The following DYDC1 variants were observed in gnomAD, a reference collection of about 807,000 sequenced individuals.
DYDC1 encodes the protein DPY30 domain containing 1, also known as DPY30 domain-containing protein 1.
Under a neutral mutation model 27.9 loss-of-function variants are expected in DYDC1, and 21 were observed. That is an observed-to-expected ratio of 0.75 (90% CI 0.53 to 1.08). The LOEUF (loss-of-function observed/expected upper bound fraction) is 1.08. Ranked by LOEUF, DYDC1 falls within the 50% of genes least tolerant of loss-of-function variation. The probability of loss-of-function intolerance (pLI) is 0.00; values close to 1 mark genes in which losing one functional copy is unlikely to be tolerated. For synonymous variants in DYDC1, 67 were observed against 65.8 expected (o/e 1.02, Z -0.09); for missense variants, 202 against 205.9 (o/e 0.98, Z 0.12).
At chr10:80,342,125 G>A (rs1842348656) in intron 4 of DYDC1, 144 bp downstream of exon 4, 1 of 679,400 alleles carries the variant, frequency 1.5e-6, no homozygotes, top group Non-Finnish European at 2.4e-6. Flanking sequence ...AAAAGGTTAT[G>A]AGACTTGTTT....
chr10:80,339,272 C>T (rs1842237580), intron 4 of DYDC1, 119 bp from the exon 5 acceptor site: 1 of 408,098 alleles, frequency 2.5e-6, no homozygotes, highest in African/African-American at 2.1e-5. Flanking sequence ...AAAATGCTGT[C>T]ACTCTGAAAG....
In DYDC1 at chr10:80,342,219, G is replaced by C. The variant is rs111869292; in HGVS notation, c.342+50C>G. The C allele has an allele frequency of 2.6e-6, 4 of 1,563,454 alleles. No individual in the cohort carries two copies. In the South Asian group the frequency reaches 4.5e-5, roughly 18 times the overall value. On this transcript the variant is annotated intron_variant, in intron 4 of 6. Transcript: ENST00000372202. ...TAACAGCTGAAATAAACAGTTTGAA[G>C]ATTCTAGAGAGTTTTAAATAAAACT...
intron 4 of DYDC1, 53 bp downstream of exon 4, chr10:80,342,216 G>T: frequency 1.3e-6 from 2 of 1,556,276 alleles, no homozygotes; most frequent in South Asian, 2.3e-5. Flanking sequence ...TAAACAGTTT[G>T]AAGATTCTAG....
intron 3 of DYDC1, among the ~76,000 whole-genome samples, chr10:80,344,237 GA>G (rs1189865256): frequency 6.6e-6 from 1 of 152,166 alleles, no homozygotes; most frequent in Non-Finnish European, 1.5e-5. Context: ...TGAAAGCAAG[GA>G]AAGATATTTA....
At chr10:80,339,014 G>T in intron 5 of DYDC1, 83 bp downstream of exon 5, 3 of 702,552 alleles carry the variant, frequency 4.3e-6, no homozygotes, top group Non-Finnish European at 6.8e-6. Context: ...TAAAAATTTA[G>T]CTACTTATGC....
At chr10:80,348,952 C>T (rs112590399) in intron 3 of DYDC1, among the ~76,000 whole-genome samples, 95 of 152,206 alleles carry the variant, frequency 6.2e-4, no homozygotes, top group African/African-American at 2.3e-3. Flanking sequence ...ACTGCAGTGG[C>T]GCGATCTCGG....
At chr10:80,342,452 A>C in intron 3 of DYDC1, 91 bp from the exon 4 acceptor site, 2 of 1,177,602 alleles carry the variant, frequency 1.7e-6, no homozygotes, top group South Asian at 3.6e-5. Flanking sequence ...CTTACAATAC[A>C]TGGTCACATC....
intron 1 of DYDC1, among the ~76,000 whole-genome samples, chr10:80,353,310 A>G (rs1471671013): frequency 2.0e-5 from 3 of 151,476 alleles, no homozygotes; most frequent in African/African-American, 7.3e-5. Context: ...CTCTAATTCC[A>G]TGGACATGTC....
At position 80,338,566 on chromosome 10, in the gene DYDC1, T is replaced by C; in HGVS notation, c.405A>G (p.Ala135=). 1 of 1,545,142 alleles carries C rather than the reference T, an allele frequency of 6.5e-7. No homozygotes were observed. The highest frequency in any genetic ancestry group is 1.3e-5 in the South Asian group (1 of 76,986). ...CTAGTGTTTTGCCTGAGTCTAGTGT[T>C]GCTTCCTACAATCAAAAAATTGATT... ...RNEDILHSEE[A]TLDSGKTLAE... The change falls in exon 6 of 7, where the codon GCA becomes GCG. Residue 135 remains alanine, a synonymous_variant. Transcript: ENST00000372202.
intron 1 of DYDC1, among the ~76,000 whole-genome samples, chr10:80,353,118 G>A (rs79192278): frequency 0.016 from 2,416 of 151,530 alleles, 34 homozygotes; most frequent in African/African-American, 0.03. Flanking sequence ...CATGAGAGCC[G>A]TTTTTACAAA....
intron 4 of DYDC1, 97 bp downstream of exon 4, chr10:80,342,172 A>G (rs907307735): frequency 1.6e-6 from 2 of 1,216,290 alleles, no homozygotes; most frequent in African/African-American, 1.5e-5. Flanking sequence ...TCTTCAGACT[A>G]CAAATCCCAT....
chr10:80,343,622 G>GA (rs1357063048), intron 3 of DYDC1, among the ~76,000 whole-genome samples: 18 of 144,568 alleles, frequency 1.2e-4, no homozygotes, highest in African/African-American at 3.6e-4. Context: ...AAAATTTTGA[G>GA]AAAAAAAAAA....
intron 3 of DYDC1, among the ~76,000 whole-genome samples, chr10:80,347,276 CTTTTTTTTTTTTTT>C (rs556362145): frequency 1.1e-5 from 1 of 90,114 alleles, no homozygotes; most frequent in Non-Finnish European, 2.1e-5. Flanking sequence ...AATTGGGATC[CTTTTTTTTTTTTTT>C]TTTTTTTTTT....
chr10:80,343,438 A>G (rs1842423242), intron 3 of DYDC1, among the ~76,000 whole-genome samples: 1 of 152,152 alleles, frequency 6.6e-6, no homozygotes. Flanking sequence ...GTGCCATGGT[A>G]TCACTATACT....
At chr10:80,352,141 T>G in intron 2 of DYDC1, 139 bp from the exon 3 acceptor site, 1 of 806,520 alleles carries the variant, frequency 1.2e-6, no homozygotes. Context: ...AATGATATAA[T>G]AATTTGGGAA....
chr10:80,343,095 C>G (rs1207834787), intron 3 of DYDC1, among the ~76,000 whole-genome samples: 2 of 151,988 alleles, frequency 1.3e-5, no homozygotes, highest in African/African-American at 4.8e-5. Context: ...TAGGGTTCAG[C>G]AATAAAGCCT....
At position 80,342,340 on chromosome 10, in the gene DYDC1, C is replaced by G; in HGVS notation, c.271G>C (p.Glu91Gln). The G allele has an allele frequency of 6.2e-7, 1 of 1,613,664 alleles. No individual in the cohort carries two copies. ...CTCTCCTTTTCTTGCATTTCCAACT[C>G]TAGCTGCAATGCCAGCTGTTGCTGA... ...LQQQQLALQL[E>Q]LEMQEKERQR... The change falls in exon 4 of 7, where the codon GAG (glutamate) becomes CAG (glutamine). Residue 91 changes from glutamate to glutamine, a missense_variant. Transcript: ENST00000372202.
intron 4 of DYDC1, among the ~76,000 whole-genome samples, chr10:80,341,309 T>G (rs942164697): frequency 5.3e-5 from 8 of 151,300 alleles, no homozygotes; most frequent in African/African-American, 1.9e-4. Flanking sequence ...CAAGCATGGT[T>G]GTGCGTGCCT....
rs754480821 is a variant in DYDC1 at position 80,336,186 on chromosome 10, C to A, written c.505-1G>T. On this transcript the variant is annotated splice_acceptor_variant, in intron 6 of 6. Coordinates refer to ENST00000372202, the MANE Select transcript of DYDC1 (RefSeq NM_001269053.2). LOFTEE classifies it high-confidence loss of function. ...AATCTTGATCAATGTTTAATGCAAT[C>A]TAAAAGCAAAACAAAAAGTAAATAT... The A allele has an allele frequency of 2.6e-5, 41 of 1,570,442 alleles. No individual in the cohort carries two copies. The highest frequency in any genetic ancestry group is 3.4e-5 in the Non-Finnish European group (39 of 1,160,056).
Sources: allele counts gnomAD v4.1 joint callset (sites outside exome capture counted in the v4.1 genomes callset), GRCh38; gene constraint gnomAD v4.1.1; transcripts MANE v1.5; gene names NCBI Gene and HGNC (gene_info 2026-07-23, HGNC 2026-07-21).